MACF1: variants seen among roughly 807,000 people sequenced by gnomAD.
MACF1 encodes the protein microtubule-actin cross-linking factor 1.
Under a neutral mutation model 854.8 loss-of-function variants are expected in MACF1, and 193 were observed. The observed-to-expected ratio is 0.23, with a 90% CI of 0.20 to 0.25. The LOEUF (loss-of-function observed/expected upper bound fraction) is 0.25. Among genes scored for constraint, MACF1 ranks in the 10% least tolerant of loss-of-function variants. The probability of loss-of-function intolerance (pLI) is 1.00; values close to 1 mark genes in which losing one functional copy is unlikely to be tolerated. For missense variants in MACF1, 7,722 were observed against 8,929.1 expected (o/e 0.86, Z 5.45); for synonymous variants, 3,185 against 3,226.7 (o/e 0.99, Z 0.44).
chr1:39,310,681 C>G lies in MACF1; in HGVS notation c.3101-150C>G, dbSNP rs1646281846. The stretch of plus-strand genomic sequence containing the variant: ...TGTGGCTGTAACATGTTTGGACTCT[C>G]AAAGATTAGTATACAGTATGTGAAA... On this transcript the variant is annotated intron_variant, in intron 25 of 100. Coordinates refer to ENST00000564288, the MANE Select transcript of MACF1 (RefSeq NM_001394062.1). 16 of 857,216 alleles carry G rather than the reference C, an allele frequency of 1.9e-5. No homozygotes were observed. The East Asian group carries it at 2.7e-4, about 14-fold the overall frequency. 53.1% of individuals were successfully genotyped at this position (857,216 alleles called of 1,614,324 possible). A position where few individuals can be genotyped will look rare whatever the true frequency, so the allele number is the denominator to read the frequency against.
intron 2 of MACF1, among the ~76,000 whole-genome samples, chr1:39,106,945 C>A (rs896655799): frequency 6.6e-5 from 10 of 152,098 alleles, no homozygotes; most frequent in Non-Finnish European, 1.2e-4. Context: ...TCCAGCTTTT[C>A]CTGCCTGCAG....
intron 58 of MACF1, chr1:39,411,764 A>G (rs1281475418): frequency 1.2e-6 from 2 of 1,613,802 alleles, no homozygotes; most frequent in Non-Finnish European, 1.7e-6. Context: ...GCATCCCAGG[A>G]TGCAGAAAAT....
chr1:39,380,268 A>T lies in MACF1; in HGVS notation c.13543A>T (p.Asn4515Tyr). ...NKAFLAELEQ[N>Y]SPKIQKVKEA... ...GGCCTTCCTGGCTGAGTTGGAACAG[A>T]ATTCTCCAAAAATTCAAAAAGTAAA... The change falls in exon 55 of 101, where the codon AAT (asparagine) becomes TAT (tyrosine). Residue 4515 changes from asparagine (N) to tyrosine (Y), a missense_variant. Asn to Tyr is a moderately radical substitution (Grantham distance 143). Transcript: ENST00000564288. 6.2e-7 allele frequency: 1 copy of T among 1,613,612 alleles called. No homozygotes were observed. The highest frequency in any genetic ancestry group is 8.5e-7 in the Non-Finnish European group (1 of 1,179,764).
Position 39,388,196 on chromosome 1 carries a change from G to A in MACF1, c.15354G>A (p.Leu5118=), listed in dbSNP as rs1389004356. The A allele has an allele frequency of 2.5e-6, 4 of 1,614,078 alleles. No individual in the cohort carries two copies. In the Admixed American group the frequency reaches 6.7e-5, roughly 27 times the overall value. The stretch of plus-strand genomic sequence containing the variant: ...GTTGTGTGATGATGGAAAACAAGCT[G>A]GAGGGGATTGGCCAGTTTCACTGCC... ...NSGCVMMENK[L]EGIGQFHCRV... Residue 5118 remains leucine, a synonymous_variant, in exon 58 of 101, where the codon CTG becomes CTA. Coordinates refer to ENST00000564288, the MANE Select transcript of MACF1 (RefSeq NM_001394062.1).
At chr1:39,440,622 A>G (rs1469656005) in intron 72 of MACF1, among the ~76,000 whole-genome samples, 1 of 151,992 alleles carries the variant, frequency 6.6e-6, no homozygotes, top group African/African-American at 2.4e-5. Context: ...AGACCCCAGC[A>G]CTTCTGTTAT....
intron 58 of MACF1, among the ~76,000 whole-genome samples, chr1:39,393,221 A>G (rs1480019649): frequency 7.1e-6 from 1 of 141,048 alleles, no homozygotes; most frequent in African/African-American, 2.7e-5. Context: ...ATATATATAT[A>G]TATGTTAAGT....
At chr1:39,451,734 A>C (rs545846365) in intron 85 of MACF1, among the ~76,000 whole-genome samples, 1 of 152,164 alleles carries the variant, frequency 6.6e-6, no homozygotes, top group Non-Finnish European at 1.5e-5. Context: ...TATTTCCCAT[A>C]ATTCTGGAAA....
At chr1:39,427,760 T>G in intron 62 of MACF1, 146 bp downstream of exon 62, 5 of 985,214 alleles carry the variant, frequency 5.1e-6, no homozygotes, top group Non-Finnish European at 7.3e-6. Context: ...AAAGTCACAT[T>G]CTTGAAATAC....
chr1:39,331,036 T>G, intron 36 of MACF1, 167 bp from the exon 37 acceptor site: 2 of 957,336 alleles, frequency 2.1e-6, no homozygotes, highest in Non-Finnish European at 2.9e-6. Flanking sequence ...CCTGACCTCA[T>G]GATTTGCCTG....
chr1:39,230,559 G>A (rs1170323582), intron 1 of MACF1, among the ~76,000 whole-genome samples: 1 of 151,340 alleles, frequency 6.6e-6, no homozygotes, highest in Non-Finnish European at 1.5e-5. Context: ...GTCAAGCATT[G>A]ACAGTCATGT....
intron 60 of MACF1, 86 bp downstream of exon 60, chr1:39,422,986 A>G: frequency 8.0e-7 from 1 of 1,253,128 alleles, no homozygotes; most frequent in South Asian, 1.4e-5. Context: ...GAAGCAGTTC[A>G]GGAGTTTTAG....
chr1:39,103,666 T>G (rs1479845157), intron 2 of MACF1: 1 of 152,350 alleles, frequency 6.6e-6, no homozygotes, highest in Non-Finnish European at 1.5e-5. Context: ...GACACCAAAC[T>G]GAGAACTAGT....
At chr1:39,131,649 A>G (rs1643008624) in intron 2 of MACF1, among the ~76,000 whole-genome samples, 1 of 152,192 alleles carries the variant, frequency 6.6e-6, no homozygotes, top group East Asian at 1.9e-4. Flanking sequence ...TGCATTGAAT[A>G]GTGGAGGGAA....
intron 2 of MACF1, among the ~76,000 whole-genome samples, chr1:39,249,546 A>G (rs774575488): frequency 2.6e-5 from 4 of 152,196 alleles, no homozygotes; most frequent in Non-Finnish European, 4.4e-5. Context: ...TATTAGAAAT[A>G]TTTGGTGTAA....
intron 22 of MACF1, among the ~76,000 whole-genome samples, chr1:39,300,692 TG>T (rs1646021178): frequency 6.6e-6 from 1 of 152,174 alleles, no homozygotes; most frequent in Non-Finnish European, 1.5e-5. Context: ...CCATCAAGTT[TG>T]TACTAATTTG....
intron 2 of MACF1, among the ~76,000 whole-genome samples, chr1:39,181,338 G>A (rs2148234003): frequency 6.6e-6 from 1 of 152,334 alleles, no homozygotes; most frequent in East Asian, 1.9e-4. Flanking sequence ...TTAGTAAAGA[G>A]TGGCTCACAT....
intron 58 of MACF1, among the ~76,000 whole-genome samples, chr1:39,415,117 A>G (rs528753566): frequency 6.6e-6 from 1 of 152,334 alleles, no homozygotes; most frequent in East Asian, 1.9e-4. Context: ...AATAAAGCTA[A>G]ATGATTAAGA....
chr1:39,332,391 G>A lies in MACF1; in HGVS notation c.5803G>A (p.Ala1935Thr). The change falls in exon 37 of 101, where the codon GCA becomes ACA. Residue 1935 changes from alanine (A) to threonine (T), a missense_variant. Transcript: ENST00000564288. ...GCCCCACATGCAACTAGCAGACTCT[G>A]CAGAACAAAATATTAATCCTGGAGC... The part of the protein sequence containing the change: ...VMPHMQLADS[A>T]EQNINPGAAV... 5.6e-6 allele frequency: 9 copies of A among 1,614,048 alleles called. No homozygotes were observed. The highest frequency in any genetic ancestry group is 7.6e-6 in the Non-Finnish European group (9 of 1,180,018).
intron 2 of MACF1, among the ~76,000 whole-genome samples, chr1:39,241,375 C>T (rs1420532237): frequency 6.6e-6 from 1 of 151,866 alleles, no homozygotes; most frequent in African/African-American, 2.4e-5. Context: ...GTCAATACTA[C>T]GAGGCCAGGC....
Sources: allele counts gnomAD v4.1 joint callset (sites outside exome capture counted in the v4.1 genomes callset), GRCh38; gene constraint gnomAD v4.1.1; transcripts MANE v1.5; gene names NCBI Gene and HGNC (gene_info 2026-07-23, HGNC 2026-07-21).